The following CUEDC2 variants were observed in gnomAD, a reference collection of about 807,000 sequenced individuals.
CUEDC2 encodes the protein CUE domain-containing protein 2.
Under a neutral mutation model 36.0 loss-of-function variants are expected in CUEDC2, and 10 were observed. That is an observed-to-expected ratio of 0.28 (90% confidence interval 0.17 to 0.47). The LOEUF (loss-of-function observed/expected upper bound fraction) is 0.47. CUEDC2 is among the 20% of genes least tolerant of loss of function. The pLI is 0.99. For missense variants in CUEDC2, 269 were observed against 368.1 expected (o/e 0.73, Z 2.20); for synonymous variants, 133 against 141.8 (o/e 0.94, Z 0.44).
At position 102,423,506 on chromosome 10, in the gene CUEDC2, C is replaced by A; in HGVS notation, c.784G>T (p.Asp262Tyr). The change falls in exon 9 of 9, where the codon GAT (aspartate) becomes TAT (tyrosine). Residue 262 changes from aspartate to tyrosine, a missense_variant. By Grantham distance (160) the Asp-to-Tyr change is radical (BLOSUM62 -3). Transcript: ENST00000369937. This position sits in a 1 kb window ranked among gnomAD's most constrained non-coding sequence, Gnocchi z 5.6. ...VVSTKGERFK[D>Y]VRNPEAEEMK... ...TCCTCGGCCTCAGGGTTCCGCACAT[C>A]TTTGAATCGCTCCCCTTTGGTGCTC... The A allele has an allele frequency of 6.2e-7, 1 of 1,614,236 alleles. No homozygotes were observed. Among genetic ancestry groups the A allele is most frequent in the African/African-American group, 1.3e-5 (1 of 75,060 alleles).
At chr10:102,426,469 CA>C in intron 1 of CUEDC2, among the ~76,000 whole-genome samples, 1 of 152,154 alleles carries the variant, frequency 6.6e-6, no homozygotes, top group Non-Finnish European at 1.5e-5. Context: ...ACTCAGCTGC[CA>C]AAGCTGAAAC....
Position 102,425,105 on chromosome 10 carries a change from C to T in CUEDC2, c.74+10G>A. The T allele has an allele frequency of 6.2e-7, 1 of 1,612,156 alleles. No individual in the cohort carries two copies. The highest frequency in any genetic ancestry group is 8.5e-7 in the Non-Finnish European group (1 of 1,178,520). On this transcript the variant is annotated intron_variant, in intron 2 of 8. Transcript: ENST00000369937. ...CACTGACATGAGCCTTCCGGGGGAC[C>T]CGTCTCTACCTGAGGTCGGCCTCCG...
intron 1 of CUEDC2, among the ~76,000 whole-genome samples, chr10:102,430,303 G>A (rs2135473603): frequency 6.6e-6 from 1 of 151,936 alleles, no homozygotes; most frequent in Admixed American, 6.6e-5. Flanking sequence ...CTGAGTAGCT[G>A]GGATTACAAG....
At position 102,424,723 on chromosome 10, in the gene CUEDC2, T is replaced by TGATGGGCCC; in HGVS notation, c.135_143dup (p.Gly46_Ser48dup). The TGATGGGCCC allele has an allele frequency of 6.2e-7, 1 of 1,614,080 alleles. No homozygotes were observed. On this transcript the variant is annotated inframe_insertion, in exon 3 of 9. Coordinates refer to ENST00000369937, the MANE Select transcript of CUEDC2 (RefSeq NM_024040.3). This position sits in a 1 kb window ranked among gnomAD's most constrained non-coding sequence, Gnocchi z 4.2. ...AAGCCTCCATATCGAAGTTCTCCTCTGATGGGCCCGAGGGGCCCAGGTCCT... is the reference window on the plus strand; with the variant it reads ...AAGCCTCCATATCGAAGTTCTCCTCTGATGGGCCCGATGGGCCCGAGGGGCCCAGGTCCT...
intron 1 of CUEDC2, among the ~76,000 whole-genome samples, chr10:102,428,854 T>A (rs1441819166): frequency 2.0e-5 from 3 of 151,966 alleles, no homozygotes; most frequent in Non-Finnish European, 4.4e-5. Flanking sequence ...AAACCCCGTC[T>A]CTACTAAAAA....
In CUEDC2 at chr10:102,423,319, G is replaced by T; in HGVS notation, c.*107C>A. 2 of 1,359,092 alleles carry T rather than the reference G, an allele frequency of 1.5e-6. No individual in the cohort carries two copies. Among genetic ancestry groups the T allele is most frequent in the South Asian group, 1.2e-5 (1 of 80,920 alleles). The allele number at this position is 1,359,092 out of a possible 1,614,324, so 84.2% of individuals were successfully genotyped here. A position where few individuals can be genotyped will look rare whatever the true frequency, so the allele number is the denominator to read the frequency against. On this transcript the variant is annotated 3_prime_UTR_variant, in exon 9 of 9. Transcript: ENST00000369937. This position sits in a 1 kb window ranked among gnomAD's most constrained non-coding sequence, Gnocchi z 5.6. ...TAGGTTAACACTATGGAGCAAAGGA[G>T]TAGAGAAGGGGGACAGGAGTTAGGG...
In CUEDC2 at chr10:102,425,050, C is replaced by T. The variant is rs2061590853; in HGVS notation, c.74+65G>A. The stretch of plus-strand genomic sequence containing the variant: ...TGCTGTCTTTCCATCAGCCAGTACC[C>T]ATAGTACTGCCCGGCAGCTCCAGCT... On this transcript the variant is annotated intron_variant, in intron 2 of 8. Transcript: ENST00000369937. 12 of 1,366,226 alleles carry T rather than the reference C, an allele frequency of 8.8e-6. No individual in the cohort carries two copies. In the South Asian group the frequency reaches 1.3e-4, roughly 15 times the overall value. 84.6% of individuals were successfully genotyped at this position (1,366,226 alleles called of 1,614,324 possible).
chr10:102,428,086 C>G (rs575219527), intron 1 of CUEDC2, among the ~76,000 whole-genome samples: 2 of 148,194 alleles, frequency 1.3e-5, no homozygotes, highest in African/African-American at 5.3e-5. Flanking sequence ...GGATTACAGA[C>G]ATGTGCACCA....
Position 102,424,982 on chromosome 10 carries a change from G to C in CUEDC2, c.74+133C>G. The C allele has an allele frequency of 1.1e-6, 1 of 950,122 alleles. No homozygotes were observed. Among genetic ancestry groups the C allele is most frequent in the Non-Finnish European group, 1.6e-6 (1 of 620,650 alleles). The allele number at this position is 950,122 out of a possible 1,614,324, so 58.9% of individuals were successfully genotyped here. A position where few individuals can be genotyped will look rare whatever the true frequency, so the allele number is the denominator to read the frequency against. ...CTGCCCAACAAAGGTGACAGGGACA[G>C]GATGAGAGGTAAGGCCTCTCAGCAA... On this transcript the variant is annotated intron_variant, in intron 2 of 8. Coordinates refer to ENST00000369937, the MANE Select transcript of CUEDC2 (RefSeq NM_024040.3). This position sits in a 1 kb window ranked among gnomAD's most constrained non-coding sequence, Gnocchi z 4.2.
At chr10:102,426,542 A>G (rs2061597281) in intron 1 of CUEDC2, among the ~76,000 whole-genome samples, 1 of 151,752 alleles carries the variant, frequency 6.6e-6, no homozygotes, top group Non-Finnish European at 1.5e-5. Context: ...AAGTCTGTCA[A>G]TTCTATTTCC....
chr10:102,424,449 T>TG lies in CUEDC2; in HGVS notation c.280+49dup. The TG allele has an allele frequency of 6.2e-7, 1 of 1,613,920 alleles. No individual in the cohort carries two copies. The highest frequency in any genetic ancestry group is 8.5e-7 in the Non-Finnish European group (1 of 1,179,974). On this transcript the variant is annotated intron_variant, in intron 4 of 8. Transcript: ENST00000369937. The surrounding 1 kb of genome is among the most constrained non-coding windows in gnomAD (Gnocchi z 4.2). ...GCCAAGGCTCTGGGGAGCAGGCAGT[T>TG]GGGGGAGCGGGATTATGAATCACTC... is the stretch of plus-strand genomic sequence containing the variant.
intron 1 of CUEDC2, among the ~76,000 whole-genome samples, chr10:102,428,633 C>T (rs1157432977): frequency 6.6e-6 from 1 of 152,154 alleles, no homozygotes; most frequent in Non-Finnish European, 1.5e-5. Flanking sequence ...CCTGTAATTC[C>T]AGCACTTTGG....
intron 1 of CUEDC2, 40 bp from the exon 2 acceptor site, chr10:102,425,238 C>T: frequency 6.6e-7 from 1 of 1,506,360 alleles, no homozygotes; most frequent in Non-Finnish European, 9.2e-7. Flanking sequence ...CTTCTTCTGC[C>T]TGCCCCCACC....
At position 102,424,933 on chromosome 10, in the gene CUEDC2, TC is replaced by T; in HGVS notation, c.75-142del. Reference sequence around the variant, plus strand: ...TTTAAGGCCAGAGAGTATAACCCCCTCCCTCAGAGCTATGGTTTCCCATCTG... The same window carrying T: ...TTTAAGGCCAGAGAGTATAACCCCCTCCTCAGAGCTATGGTTTCCCATCTG... On this transcript the variant is annotated intron_variant, in intron 2 of 8. Coordinates refer to ENST00000369937, the MANE Select transcript of CUEDC2 (RefSeq NM_024040.3). This position sits in a 1 kb window ranked among gnomAD's most constrained non-coding sequence, Gnocchi z 4.2. 1 of 1,025,382 alleles carries T rather than the reference TC, an allele frequency of 9.8e-7. No individual in the cohort carries two copies. 63.5% of individuals were successfully genotyped at this position (1,025,382 alleles called of 1,614,324 possible). A position where few individuals can be genotyped will look rare whatever the true frequency, so the allele number is the denominator to read the frequency against.
Position 102,425,069 on chromosome 10 carries a change from T to A in CUEDC2, c.74+46A>T, listed in dbSNP as rs373664707. On this transcript the variant is annotated intron_variant, in intron 2 of 8. Coordinates refer to ENST00000369937, the MANE Select transcript of CUEDC2 (RefSeq NM_024040.3). ...AGTACCCATAGTACTGCCCGGCAGC[T>A]CCAGCTCCAGCACTGACATGAGCCT... is the stretch of plus-strand genomic sequence containing the variant. 54 of 1,527,940 alleles carry A rather than the reference T, an allele frequency of 3.5e-5. No individual in the cohort carries two copies. In the African/African-American group the frequency reaches 6.5e-4, roughly 18 times the overall value. 94.6% of individuals were successfully genotyped at this position (1,527,940 alleles called of 1,614,324 possible).
chr10:102,428,734 T>C (rs1445929394), intron 1 of CUEDC2, among the ~76,000 whole-genome samples: 6 of 151,662 alleles, frequency 4.0e-5, no homozygotes, highest in Non-Finnish European at 8.8e-5. Flanking sequence ...TGTAGAAAAA[T>C]ATTTTTAGGC....
chr10:102,431,821 G>A (rs978470425), intron 1 of CUEDC2, among the ~76,000 whole-genome samples: 1 of 152,146 alleles, frequency 6.6e-6, no homozygotes, highest in Non-Finnish European at 1.5e-5. Flanking sequence ...GGCAGCACAG[G>A]CCTGGACCCT....
At position 102,424,708 on chromosome 10, in the gene CUEDC2, A is replaced by G. The variant is rs1295191429; in HGVS notation, c.159T>C (p.Asp53=). Residue 53 remains aspartate, a synonymous_variant, in exon 3 of 9, where the codon GAT becomes GAC. Transcript: ENST00000369937. The surrounding 1 kb of genome is among the most constrained non-coding windows in gnomAD (Gnocchi z 4.2). ...CCATCATCTCAGTGAAAGCCTCCAT[A>G]TCGAAGTTCTCCTCTGATGGGCCCG... is the stretch of plus-strand genomic sequence containing the variant. The part of the protein sequence containing the change: ...GPSGPSEENF[D]MEAFTEMMEA... The G allele has an allele frequency of 8.1e-6, 13 of 1,614,116 alleles. No homozygotes were observed. The highest frequency in any genetic ancestry group is 1.1e-5 in the South Asian group (1 of 91,090).
intron 2 of CUEDC2, 80 bp downstream of exon 2, chr10:102,425,035 C>A: frequency 1.6e-6 from 2 of 1,256,606 alleles, no homozygotes; most frequent in Non-Finnish European, 2.3e-6. Context: ...TGCTGTCTTT[C>A]CATCAGCCAG....
Sources: allele counts gnomAD v4.1 joint callset (sites outside exome capture counted in the v4.1 genomes callset), GRCh38; gene constraint gnomAD v4.1.1; non-coding constraint Gnocchi (gnomAD v3.1); transcripts MANE v1.5; gene names NCBI Gene and HGNC (gene_info 2026-07-23, HGNC 2026-07-21).